Variants in MCF2L observed in about 807,000 individuals in gnomAD.
MCF2L encodes the protein guanine nucleotide exchange factor DBS.
A neutral mutation model predicts 153.4 loss-of-function variants in MCF2L; 97 were observed. The observed-to-expected ratio is 0.63, with a 90% CI of 0.54 to 0.75. MCF2L has a LOEUF of 0.75. Ranked by LOEUF, MCF2L falls within the 30% of genes least tolerant of loss-of-function variation. The pLI is 0.00. For missense variants in MCF2L, 1,347 were observed against 1,495.2 expected (o/e 0.90, Z 1.64); for synonymous variants, 659 against 632.2 (o/e 1.04, Z -0.64).
At chr13:112,985,197 G>T in intron 1 of MCF2L, 1 of 348,444 alleles carries the variant, frequency 2.9e-6, no homozygotes. Context: ...GCAGGAATCG[G>T]CCTCCAGGAG....
intron 1 of MCF2L, among the ~76,000 whole-genome samples, chr13:112,997,938 T>C (rs572780954): frequency 6.6e-6 from 1 of 152,360 alleles, no homozygotes; most frequent in African/African-American, 2.4e-5. Flanking sequence ...AGTGGGCTCT[T>C]GGCTGAGGTG....
At chr13:112,906,709 T>C (rs2140509055) in intron 2 of MCF2L, among the ~76,000 whole-genome samples, 1 of 152,304 alleles carries the variant, frequency 6.6e-6, no homozygotes, top group South Asian at 2.1e-4. Context: ...ACCGCTATCA[T>C]CTTAGAATTG....
chr13:112,992,319 C>T (rs975204330), intron 1 of MCF2L, among the ~76,000 whole-genome samples: 1 of 152,202 alleles, frequency 6.6e-6, no homozygotes, highest in African/African-American at 2.4e-5. Flanking sequence ...GTAGGAGATA[C>T]TTGGCCATGT....
intron 28 of MCF2L, 28 bp downstream of exon 28, chr13:113,096,511 G>C: frequency 6.3e-7 from 1 of 1,582,384 alleles, no homozygotes; most frequent in Non-Finnish European, 8.6e-7. Flanking sequence ...GCCCCGGACT[G>C]CCCCGCACGT....
chr13:112,930,894 G>A (rs937278367), intron 2 of MCF2L, among the ~76,000 whole-genome samples: 4 of 152,160 alleles, frequency 2.6e-5, no homozygotes, highest in South Asian at 4.2e-4. Context: ...CCAAGATCAC[G>A]CCATTGCACT....
At chr13:113,089,974 C>T (rs2035041191) in intron 26 of MCF2L, 2 of 1,599,800 alleles carry the variant, frequency 1.3e-6, no homozygotes, top group African/African-American at 2.7e-5. Context: ...AGCGTGCAAC[C>T]CGGAGCCGCC....
Position 113,096,548 on chromosome 13 carries a change from A to G in MCF2L, c.3189-2A>G. 6.2e-7 allele frequency: 1 copy of G among 1,602,646 alleles called. No individual in the cohort carries two copies. Among genetic ancestry groups the G allele is most frequent in the South Asian group, 1.1e-5 (1 of 89,598 alleles). ...GCTGCCGCTGACCCTCGCCCCTTGC[A>G]GGTACGTCAGGGACCCGACCACTGG... On this transcript the variant is annotated splice_acceptor_variant, in intron 28 of 29. Coordinates refer to ENST00000535094, the MANE Select transcript of MCF2L (RefSeq NM_001112732.3). LOFTEE classifies it high-confidence loss of function.
At position 112,932,178 on chromosome 13, in the gene MCF2L, C is replaced by T. The variant is rs1438475751; in HGVS notation, c.169+29807C>T. ...GACCTGACGACCTGAGCCAGGCAAT[C>T]GAGGTCAGCACCGATGGCGACCAGG... On this transcript the variant is annotated intron_variant, in intron 2 of 29. Transcript: ENST00000375608. This position sits in a 1 kb window ranked among gnomAD's most constrained non-coding sequence, Gnocchi z 4.6. Among the ~76,000 whole-genome samples, 1 of 152,168 alleles carries T rather than the reference C, an allele frequency of 6.6e-6. No homozygotes were observed. Among genetic ancestry groups the T allele is most frequent in the South Asian group, 2.1e-4 (1 of 4,832 alleles).
intron 7 of MCF2L, among the ~76,000 whole-genome samples, chr13:113,065,635 C>T (rs919873725): frequency 3.9e-5 from 6 of 152,246 alleles, no homozygotes; most frequent in South Asian, 2.1e-4. Context: ...CCTGGCCCAC[C>T]GGCACGCTGC....
intron 1 of MCF2L, among the ~76,000 whole-genome samples, chr13:112,895,968 G>A (rs920818417): frequency 3.9e-5 from 6 of 152,210 alleles, no homozygotes; most frequent in Non-Finnish European, 8.8e-5. Flanking sequence ...GTGAAATGAG[G>A]GGGGCCCCTC....
At chr13:112,992,951 C>T (rs2082949561) in intron 1 of MCF2L, among the ~76,000 whole-genome samples, 1 of 152,368 alleles carries the variant, frequency 6.6e-6, no homozygotes, top group African/African-American at 2.4e-5. Flanking sequence ...GACCCTGGTG[C>T]AAACCCCAAA....
In MCF2L at chr13:112,932,227, A is replaced by G. The variant is rs920859190; in HGVS notation, c.169+29856A>G. ...GGCGTGTAGACTCGTGCCCTGGGTA[A>G]GGCGTGACCGGGATGGCACTTTACC... On this transcript the variant is annotated intron_variant, in intron 2 of 29. Transcript: ENST00000375608. The surrounding 1 kb of genome is among the most constrained non-coding windows in gnomAD (Gnocchi z 4.6). 1.3e-5 allele frequency among the ~76,000 whole-genome samples: 2 copies of G among 149,898 alleles called. No individual in the cohort carries two copies. Among genetic ancestry groups the G allele is most frequent in the Non-Finnish European group, 3.0e-5 (2 of 67,154 alleles).
intron 3 of MCF2L, among the ~76,000 whole-genome samples, chr13:113,039,624 A>G (rs1382690208): frequency 1.3e-5 from 2 of 152,238 alleles, no homozygotes; most frequent in Admixed American, 1.3e-4. Flanking sequence ...CAACAAGTTA[A>G]AGGAGAATCT....
chr13:113,088,494 T>A, intron 24 of MCF2L, 68 bp from the exon 25 acceptor site: 2 of 1,605,496 alleles, frequency 1.2e-6, no homozygotes, highest in Non-Finnish European at 1.7e-6. Flanking sequence ...AGTCCCCCCA[T>A]GCGCAAGGTG....
At chr13:112,915,123 A>T (rs572651355) in intron 2 of MCF2L, among the ~76,000 whole-genome samples, 2 of 152,028 alleles carry the variant, frequency 1.3e-5, no homozygotes, top group Non-Finnish European at 2.9e-5. Context: ...CAAAATCTCC[A>T]TGTTGGCCGG....
chr13:112,901,580 G>A (rs879315787), intron 1 of MCF2L, among the ~76,000 whole-genome samples: 2 of 152,226 alleles, frequency 1.3e-5, no homozygotes, highest in Non-Finnish European at 2.9e-5. Context: ...ACAGGTCACC[G>A]CCTGGGAGGG....
intron 15 of MCF2L, among the ~76,000 whole-genome samples, chr13:113,080,664 C>T (rs986479518): frequency 6.6e-6 from 1 of 152,220 alleles, no homozygotes; most frequent in Admixed American, 6.5e-5. Flanking sequence ...GGTCACTCCC[C>T]GGACCACCAC....
chr13:112,906,594 G>GT lies in MCF2L; in HGVS notation c.169+4224dup, dbSNP rs2081175307. ...TCAAAACACCAGTGCCCGCTCTGCCGTGAGTGCGTGGTCTTGCTTTTCAGT... is the reference window on the plus strand; with the variant it reads ...TCAAAACACCAGTGCCCGCTCTGCCGTTGAGTGCGTGGTCTTGCTTTTCAGT... On this transcript the variant is annotated intron_variant, in intron 2 of 29. Coordinates refer to the MCF2L transcript ENST00000375608. 5.9e-5 allele frequency among the ~76,000 whole-genome samples: 9 copies of GT among 152,370 alleles called. No individual in the cohort carries two copies. The South Asian group carries it at 1.7e-3, about 28-fold the overall frequency.
At position 112,969,313 on chromosome 13, in the gene MCF2L, C is replaced by T. The variant is rs1475848241; in HGVS notation, c.-67C>T. The T allele has an allele frequency of 6.5e-7, 1 of 1,543,364 alleles. No homozygotes were observed. On this transcript the variant is annotated 5_prime_UTR_variant, in exon 1 of 30. Coordinates refer to ENST00000535094, the MANE Select transcript of MCF2L (RefSeq NM_001112732.3). The surrounding 1 kb of genome is among the most constrained non-coding windows in gnomAD (Gnocchi z 4.8). ...CGCGCCCCCTCCGCACTCGCACGGCCCCACCCGCAGGCGCCCCCCGTGCGG... is the reference window on the plus strand; with the variant it reads ...CGCGCCCCCTCCGCACTCGCACGGCTCCACCCGCAGGCGCCCCCCGTGCGG...
Sources: allele counts gnomAD v4.1 joint callset (sites outside exome capture counted in the v4.1 genomes callset), GRCh38; gene constraint gnomAD v4.1.1; non-coding constraint Gnocchi (gnomAD v3.1); transcripts MANE v1.5; gene names NCBI Gene and HGNC (gene_info 2026-07-23, HGNC 2026-07-21).